Variants in RAPGEF6 observed in about 807,000 individuals in gnomAD.
The protein encoded by RAPGEF6 is PDZ domain containing guanine nucleotide exchange factor (GEF) 2.
Under a neutral mutation model 171.4 loss-of-function variants are expected in RAPGEF6, and 56 were observed. The observed-to-expected ratio is 0.33, with a 90% CI of 0.26 to 0.41. RAPGEF6 has a LOEUF of 0.41. Ranked by LOEUF, RAPGEF6 falls within the 10% of genes least tolerant of loss-of-function variation. The probability of loss-of-function intolerance (pLI) is 1.00; values close to 1 mark genes in which losing one functional copy is unlikely to be tolerated. For missense variants in RAPGEF6, 1,674 were observed against 1,921.4 expected, an observed-to-expected ratio of 0.87 and a Z score of 2.41; for synonymous variants, 692 against 650.1, an observed-to-expected ratio of 1.06 and a Z score of -0.98.
intron 5 of RAPGEF6, among the ~76,000 whole-genome samples, chr5:131,550,704 T>A (rs1760868168): frequency 6.6e-6 from 1 of 152,214 alleles, no homozygotes; most frequent in Admixed American, 6.5e-5. Flanking sequence ...AAGACATTCC[T>A]CTCCTCAGAC....
intron 1 of RAPGEF6, among the ~76,000 whole-genome samples, chr5:131,620,643 T>G (rs1580691584): frequency 6.6e-6 from 1 of 151,806 alleles, no homozygotes; most frequent in Non-Finnish European, 1.5e-5. Flanking sequence ...CAGGCTGGAG[T>G]GCAGTGGCTG....
chr5:131,497,016 C>T (rs1756682993), intron 12 of RAPGEF6, among the ~76,000 whole-genome samples: 1 of 152,156 alleles, frequency 6.6e-6, no homozygotes, highest in Admixed American at 6.5e-5. Flanking sequence ...TGTCTCCATA[C>T]CGTTGGCAAT....
Position 131,464,259 on chromosome 5 carries a change from T to C in RAPGEF6, c.2262A>G (p.Arg754=). 2.5e-6 allele frequency: 4 copies of C among 1,611,282 alleles called. No individual in the cohort carries two copies. In the African/African-American group the frequency reaches 5.3e-5, roughly 22 times the overall value. ...NPSDIPDQVI[R]VFKVDQQSCY... Reference sequence around the variant, plus strand: ...AACTTTGCTGATCCACTTTGAAAACTCTTATAACTTGATCAGGGATATCTA... The same window carrying C: ...AACTTTGCTGATCCACTTTGAAAACCCTTATAACTTGATCAGGGATATCTA... Residue 754 remains arginine (R), a synonymous_variant, in exon 18 of 28, where the codon AGA becomes AGG. Coordinates refer to ENST00000509018, the MANE Select transcript of RAPGEF6 (RefSeq NM_016340.6).
In RAPGEF6 at chr5:131,583,883, C is replaced by T. The variant is rs532054430; in HGVS notation, c.281+8500G>A. 5.3e-5 allele frequency among the ~76,000 whole-genome samples: 8 copies of T among 152,096 alleles called. 1 individual carries two copies. Among genetic ancestry groups the T allele is most frequent in the East Asian group, 3.8e-4 (2 of 5,196 alleles). On this transcript the variant is annotated intron_variant, in intron 4 of 27. Coordinates refer to ENST00000509018, the MANE Select transcript of RAPGEF6 (RefSeq NM_016340.6). The stretch of plus-strand genomic sequence containing the variant: ...AAATGAAATATTGATACACATAACA[C>T]GGATAAACCTCAAAATAATTTTACT...
At chr5:131,548,917 A>C (rs1033977727) in intron 5 of RAPGEF6, among the ~76,000 whole-genome samples, 1 of 152,158 alleles carries the variant, frequency 6.6e-6, no homozygotes, top group Admixed American at 6.5e-5. Flanking sequence ...GAAAAAAATA[A>C]GCCAGGCATG....
intron 19 of RAPGEF6, among the ~76,000 whole-genome samples, chr5:131,458,093 T>C (rs541740348): frequency 1.3e-5 from 2 of 152,150 alleles, no homozygotes; most frequent in African/African-American, 4.8e-5. Flanking sequence ...ATAAAAGATA[T>C]TAAACATTCA....
At chr5:131,544,027 AAATAAT>A (rs142033872) in intron 6 of RAPGEF6, among the ~76,000 whole-genome samples, 1 of 152,146 alleles carries the variant, frequency 6.6e-6, no homozygotes, top group Non-Finnish European at 1.5e-5. Flanking sequence ...AAAATTTTAA[AAATAAT>A]AATAATAAAA....
chr5:131,510,939 G>C (rs1162420396), intron 7 of RAPGEF6, among the ~76,000 whole-genome samples: 1 of 152,054 alleles, frequency 6.6e-6, no homozygotes, highest in Non-Finnish European at 1.5e-5. Context: ...GGCTTAGTAG[G>C]GTAGGTAATC....
intron 19 of RAPGEF6, among the ~76,000 whole-genome samples, chr5:131,456,594 C>G (rs908537124): frequency 6.6e-6 from 1 of 152,216 alleles, no homozygotes; most frequent in Admixed American, 6.5e-5. Context: ...AACTTGAAAA[C>G]ATAATTCATG....
At chr5:131,567,026 G>A (rs1227411197) in intron 4 of RAPGEF6, among the ~76,000 whole-genome samples, 3 of 151,248 alleles carry the variant, frequency 2.0e-5, no homozygotes, top group Non-Finnish European at 4.4e-5. Flanking sequence ...CCCGGGAAGT[G>A]GAGTTTGCAG....
chr5:131,433,555 G>C lies in RAPGEF6; in HGVS notation c.3849C>G (p.Ser1283=), dbSNP rs377591111. Residue 1283 remains serine, a synonymous_variant, in exon 25 of 28, where the codon TCC becomes TCG. Transcript: ENST00000509018. ...GTTCATCCTGTAGAGCTGCAGACAT[G>C]GAGTCAACAGAACAATTGCTCACGA... ...SSIVSNCSVD[S]MSAALQDERC... 1.2e-6 allele frequency: 2 copies of C among 1,612,972 alleles called. No homozygotes were observed. Among genetic ancestry groups the C allele is most frequent in the Non-Finnish European group, 1.7e-6 (2 of 1,178,996 alleles).
chr5:131,613,303 G>C (rs1765055463), intron 1 of RAPGEF6, among the ~76,000 whole-genome samples: 1 of 152,142 alleles, frequency 6.6e-6, no homozygotes, highest in African/African-American at 2.4e-5. Flanking sequence ...CCAGCTTCTT[G>C]GGAGGCTGAG....
chr5:131,585,828 A>T (rs893196740), intron 4 of RAPGEF6, among the ~76,000 whole-genome samples: 7 of 152,170 alleles, frequency 4.6e-5, no homozygotes, highest in African/African-American at 1.7e-4. Context: ...CTCCGTCCCC[A>T]AAAAACAAAC....
At chr5:131,523,083 G>A (rs1398996746) in intron 6 of RAPGEF6, among the ~76,000 whole-genome samples, 5 of 152,014 alleles carry the variant, frequency 3.3e-5, no homozygotes, top group African/African-American at 7.2e-5. Flanking sequence ...CACATATGAC[G>A]AGACAGGATG....
At chr5:131,576,804 TATC>T (rs1469093718) in intron 4 of RAPGEF6, among the ~76,000 whole-genome samples, 1 of 152,174 alleles carries the variant, frequency 6.6e-6, no homozygotes, top group Non-Finnish European at 1.5e-5. Context: ...CATTCTATCT[TATC>T]ATTCTTTCAT....
chr5:131,535,138 T>C (rs1759679350), intron 6 of RAPGEF6, among the ~76,000 whole-genome samples: 1 of 152,132 alleles, frequency 6.6e-6, no homozygotes, highest in Non-Finnish European at 1.5e-5. Context: ...TAAGTGAAGA[T>C]GACATCATCC....
chr5:131,432,510 C>T (rs1045044023), intron 25 of RAPGEF6, among the ~76,000 whole-genome samples: 8 of 151,948 alleles, frequency 5.3e-5, no homozygotes, highest in Non-Finnish European at 8.8e-5. Context: ...CCCAGCTACT[C>T]GGGAGGCTGA....
At chr5:131,590,017 T>G (rs1236053567) in intron 4 of RAPGEF6, among the ~76,000 whole-genome samples, 1 of 152,212 alleles carries the variant, frequency 6.6e-6, no homozygotes, top group Non-Finnish European at 1.5e-5. Flanking sequence ...GTTTGTTTTG[T>G]CTTTGGGAAC....
chr5:131,500,824 G>A (rs1756971136), intron 11 of RAPGEF6, among the ~76,000 whole-genome samples: 1 of 152,032 alleles, frequency 6.6e-6, no homozygotes, highest in African/African-American at 2.4e-5. Flanking sequence ...GTATATATTA[G>A]TATCTCCCAG....
Sources: gnomAD v4.1 joint callset for allele counts (sites outside exome capture counted in the v4.1 genomes callset) on GRCh38, gnomAD v4.1.1 for gene constraint, MANE v1.5 for transcripts, NCBI Gene and HGNC (gene_info 2026-07-23, HGNC 2026-07-21) for gene names.